SEL1L3: variants seen among roughly 807,000 people sequenced by gnomAD.
The protein encoded by SEL1L3 is protein sel-1 homolog 3.
SEL1L3 carries 76 observed loss-of-function variants against 142.8 expected under a neutral mutation model. The observed-to-expected ratio is 0.53, with a 90% CI of 0.44 to 0.64. SEL1L3 has a LOEUF of 0.64. Among genes scored for constraint, SEL1L3 ranks in the 30% least tolerant of loss-of-function variants. SEL1L3 has a pLI of 0.00. For synonymous variants in SEL1L3, 504 were observed against 519.6 expected, an observed-to-expected ratio of 0.97 and a Z score of 0.41; for missense variants, 1,262 against 1,381.7, an observed-to-expected ratio of 0.91 and a Z score of 1.37.
intron 6 of SEL1L3, among the ~76,000 whole-genome samples, chr4:25,829,826 A>G (rs756671591): frequency 4.6e-5 from 7 of 152,242 alleles, no homozygotes; most frequent in Non-Finnish European, 1.0e-4. Flanking sequence ...AAAATGAACT[A>G]TAAAGTGCCA....
intron 20 of SEL1L3, chr4:25,759,829 G>C (rs560220093): frequency 2.6e-5 from 4 of 152,334 alleles, no homozygotes; most frequent in Non-Finnish European, 4.4e-5. Flanking sequence ...TAAGAAACAA[G>C]CAATAAACGA....
chr4:25,857,479 CT>C (rs1211287813), intron 1 of SEL1L3, among the ~76,000 whole-genome samples: 4 of 152,156 alleles, frequency 2.6e-5, no homozygotes, highest in Admixed American at 6.5e-5. Flanking sequence ...TGTGTTAAAC[CT>C]TTTTCTCTCT....
At chr4:25,795,923 A>AG (rs1313627830) in intron 11 of SEL1L3, among the ~76,000 whole-genome samples, 1 of 145,306 alleles carries the variant, frequency 6.9e-6, no homozygotes, top group South Asian at 2.3e-4. Context: ...GTGGACTGGG[A>AG]GAAAAAAAAA....
At chr4:25,767,661 A>G (rs2109139580) in intron 18 of SEL1L3, 52 bp from the exon 19 acceptor site, 1 of 1,481,334 alleles carries the variant, frequency 6.8e-7, no homozygotes, top group South Asian at 1.2e-5. Flanking sequence ...CGGCCAAGTG[A>G]CCAACGTTGC....
intron 23 of SEL1L3, among the ~76,000 whole-genome samples, chr4:25,755,323 A>G (rs1244931474): frequency 6.6e-6 from 1 of 151,914 alleles, no homozygotes. Flanking sequence ...GGTTGGTCTC[A>G]AACCCCTGAG....
chr4:25,852,519 G>GTTTC (rs949883541), intron 1 of SEL1L3, among the ~76,000 whole-genome samples: 1 of 152,198 alleles, frequency 6.6e-6, no homozygotes, highest in Non-Finnish European at 1.5e-5. Context: ...CCACAACAGA[G>GTTTC]TTTCACCCAA....
chr4:25,749,178 G>A (rs898603180), intron 23 of SEL1L3, among the ~76,000 whole-genome samples: 7 of 152,058 alleles, frequency 4.6e-5, no homozygotes, highest in African/African-American at 1.4e-4. Flanking sequence ...TGAGTCTCCC[G>A]GGCCTCGGTT....
chr4:25,804,583 G>T lies in SEL1L3; in HGVS notation c.1734C>A (p.Val578=). The change falls in exon 10 of 24, where the codon GTC becomes GTA. Residue 578 remains valine, a synonymous_variant. Coordinates refer to ENST00000399878, the MANE Select transcript of SEL1L3 (RefSeq NM_015187.5). The stretch of plus-strand genomic sequence containing the variant: ...GAACATTTAATCCAGTCTCATAAAA[G>T]ACTGCAAGGTAGTAGGATGCTTTAT... ...GYHKASYYLA[V]FYETGLNVPR... 1.2e-6 allele frequency: 2 copies of T among 1,613,608 alleles called. No homozygotes were observed. The highest frequency in any genetic ancestry group is 2.2e-5 in the East Asian group (1 of 44,884).
intron 11 of SEL1L3, among the ~76,000 whole-genome samples, chr4:25,801,015 C>G (rs1025971899): frequency 6.6e-6 from 1 of 152,206 alleles, no homozygotes; most frequent in African/African-American, 2.4e-5. Flanking sequence ...AACCAGGGGT[C>G]TGGTTCCCAG....
intron 9 of SEL1L3, among the ~76,000 whole-genome samples, chr4:25,812,714 GA>G (rs35102531): frequency 0.11 from 12,728 of 112,012 alleles, 601 homozygotes; most frequent in African/African-American, 0.14. Context: ...CTCTGTCTCA[GA>G]AAAAAAAAAA....
rs750205428 is a variant in SEL1L3 at position 25,748,068 on chromosome 4, CTG to C, written c.*355_*356del. On this transcript the variant is annotated 3_prime_UTR_variant, in exon 24 of 24. Transcript: ENST00000399878. The stretch of plus-strand genomic sequence containing the variant: ...CTTCAATAAAGGGATGAAGCACGCA[CTG>C]TGATTCTTAAGACACATCTTAGTGT... 85 of 199,220 alleles carry C rather than the reference CTG, an allele frequency of 4.3e-4. No individual in the cohort carries two copies. Among genetic ancestry groups the C allele is most frequent in the Non-Finnish European group, 7.3e-4 (71 of 97,876 alleles). The allele number at this position is 199,220 out of a possible 1,614,324, so 12.3% of individuals were successfully genotyped here.
chr4:25,742,759 C>G (rs1039588272), downstream of SEL1L3, among the ~76,000 whole-genome samples: 3 of 152,014 alleles, frequency 2.0e-5, no homozygotes, highest in African/African-American at 7.2e-5. Flanking sequence ...TAGGAAAACA[C>G]TAATTTTTTT....
chr4:25,735,431 G>C, the SEL1L3 span, among the ~76,000 whole-genome samples: 1 of 151,942 alleles, frequency 6.6e-6, no homozygotes, highest in African/African-American at 2.4e-5. Context: ...CTTTTCTCTA[G>C]AGCTTTTAAA....
At chr4:25,767,031 C>A (rs1040057150) in intron 19 of SEL1L3, among the ~76,000 whole-genome samples, 1 of 152,184 alleles carries the variant, frequency 6.6e-6, no homozygotes, top group Non-Finnish European at 1.5e-5. Flanking sequence ...GTGGCTCACG[C>A]CTGTAACCCC....
the SEL1L3 span, among the ~76,000 whole-genome samples, chr4:25,740,992 C>T: frequency 6.6e-6 from 1 of 152,070 alleles, no homozygotes; most frequent in African/African-American, 2.4e-5. Context: ...ACCATGTTGG[C>T]CAGGCTGGTC....
intron 20 of SEL1L3, among the ~76,000 whole-genome samples, chr4:25,764,682 G>C (rs902895915): frequency 6.6e-5 from 10 of 152,144 alleles, no homozygotes; most frequent in African/African-American, 1.9e-4. Flanking sequence ...CCTTCTGTTT[G>C]GAGCCAAAGA....
intron 18 of SEL1L3, 30 bp downstream of exon 18, chr4:25,767,710 T>C: frequency 1.3e-6 from 2 of 1,483,246 alleles, no homozygotes. Context: ...ACCTCAGAGC[T>C]TCTACTCTGA....
chr4:25,815,871 G>T (rs548662790), intron 9 of SEL1L3, among the ~76,000 whole-genome samples: 40 of 150,944 alleles, frequency 2.6e-4, no homozygotes, highest in African/African-American at 9.2e-4. Flanking sequence ...GGATATTGGG[G>T]GGGGTGCTTT....
At chr4:25,862,640 CG>C (rs1434615451) in intron 1 of SEL1L3, 34 bp downstream of exon 1, 1 of 1,185,244 alleles carries the variant, frequency 8.4e-7, no homozygotes, top group Non-Finnish European at 1.1e-6. Flanking sequence ...GGGCCCCGCG[CG>C]GAGGGGAAGA....
Sources: allele counts gnomAD v4.1 joint callset (sites outside exome capture counted in the v4.1 genomes callset), GRCh38; gene constraint gnomAD v4.1.1; transcripts MANE v1.5; gene names NCBI Gene and HGNC (gene_info 2026-07-23, HGNC 2026-07-21).